The following IAPP variants were observed in gnomAD, a reference collection of about 807,000 sequenced individuals.
The protein encoded by IAPP is Islet amyloid polypeptide (diabetes-associated peptide; amylin).
IAPP carries 4 observed loss-of-function variants against 2.9 expected under a neutral mutation model. The observed-to-expected ratio is 1.39, with a 90% CI of 0.69 to 3.19. The LOEUF is 3.19. Ranked by LOEUF, IAPP falls within the 30% of genes most tolerant of loss-of-function variation. IAPP has a pLI of 0.01. For synonymous variants in IAPP, 40 were observed against 42.1 expected, an observed-to-expected ratio of 0.95 and a Z score of 0.19; for missense variants, 114 against 105.3, an observed-to-expected ratio of 1.08 and a Z score of -0.36.
At chr12:21,359,532 T>C (rs1938646129) in intron 1 of IAPP, among the ~76,000 whole-genome samples, 1 of 152,172 alleles carries the variant, frequency 6.6e-6, no homozygotes, top group African/African-American at 2.4e-5. Flanking sequence ...TGGCAAGCCA[T>C]GTCCATGCAT....
intron 1 of IAPP, among the ~76,000 whole-genome samples, chr12:21,365,343 T>A (rs1292585069): frequency 1.3e-5 from 2 of 152,196 alleles, no homozygotes; most frequent in South Asian, 4.1e-4. Context: ...TGGCTAGCCA[T>A]ATGTAGAAAG....
intron 2 of IAPP, among the ~76,000 whole-genome samples, chr12:21,377,101 T>C (rs1940254341): frequency 6.6e-6 from 1 of 152,178 alleles, no homozygotes; most frequent in South Asian, 2.1e-4. Flanking sequence ...GGTTATGATT[T>C]CTGAGTTTAT....
intron 2 of IAPP, among the ~76,000 whole-genome samples, chr12:21,377,691 A>G (rs1239875999): frequency 3.3e-5 from 5 of 152,080 alleles, no homozygotes; most frequent in Admixed American, 2.0e-4. Flanking sequence ...CTTTCACTCA[A>G]CCTAATGTCC....
chr12:21,366,130 CA>C (rs1939358517), intron 1 of IAPP, among the ~76,000 whole-genome samples: 1 of 152,124 alleles, frequency 6.6e-6, no homozygotes, highest in African/African-American at 2.4e-5. Context: ...TTCACAACAG[CA>C]AAGACTTGGA....
At position 21,378,709 on chromosome 12, in the gene IAPP, C is replaced by A. The variant is rs552412745; in HGVS notation, c.*283C>A. On this transcript the variant is annotated 3_prime_UTR_variant, in exon 3 of 3. Coordinates refer to ENST00000240652, the MANE Select transcript of IAPP (RefSeq NM_000415.3). ...TATCTCAGTGGCACAGGTTTAAGAA[C>A]GAAGGAGAAAAAGGTAGTTTGAACC... 3 of 298,338 alleles carry A rather than the reference C, an allele frequency of 1.0e-5. No individual in the cohort carries two copies. The highest frequency in any genetic ancestry group is 4.3e-5 in the African/African-American group (2 of 46,848). The allele number at this position is 298,338 out of a possible 1,614,324, so 18.5% of individuals were successfully genotyped here.
intron 1 of IAPP, among the ~76,000 whole-genome samples, chr12:21,361,885 T>C (rs533589092): frequency 2.8e-4 from 43 of 152,224 alleles, no homozygotes; most frequent in African/African-American, 9.1e-4. Context: ...CCAAGAAATA[T>C]GGGACTATGT....
rs1939941547 is a variant in IAPP at position 21,373,384 on chromosome 12, TG to T, written c.34del (p.Val12CysfsTer6). ...TCCTGAAGCTGCAAGTATTTCTCATTGTGCTCTCTGTTGCATTGAACCATCT... is the reference window on the plus strand; with the variant it reads ...TCCTGAAGCTGCAAGTATTTCTCATTTGCTCTCTGTTGCATTGAACCATCT... Reference protein sequence around the residue: ...GILKLQVFLIVLSVALNHLKA... With the variant: ...GILKLQVFLIXLSVALNHLKA... On this transcript the variant is annotated frameshift_variant, in exon 2 of 3. Transcript: ENST00000240652. LOFTEE classifies it low-confidence loss of function (END_TRUNC). 5.6e-6 allele frequency: 9 copies of T among 1,613,678 alleles called. No individual in the cohort carries two copies. The highest frequency in any genetic ancestry group is 7.6e-6 in the Non-Finnish European group (9 of 1,179,692).
At chr12:21,361,667 T>G (rs1297727890) in intron 1 of IAPP, among the ~76,000 whole-genome samples, 2 of 151,960 alleles carry the variant, frequency 1.3e-5, no homozygotes, top group Non-Finnish European at 2.9e-5. Context: ...CGAATGGCAG[T>G]GTAGAGAAAA....
At chr12:21,363,741 AACT>A (rs1381247066) in intron 1 of IAPP, among the ~76,000 whole-genome samples, 1 of 152,208 alleles carries the variant, frequency 6.6e-6, no homozygotes, top group Non-Finnish European at 1.5e-5. Context: ...CAGAAATACA[AACT>A]ACTATCAGAG....
At chr12:21,361,304 C>G (rs537220077) in intron 1 of IAPP, among the ~76,000 whole-genome samples, 39 of 152,344 alleles carry the variant, frequency 2.6e-4, no homozygotes, top group Non-Finnish European at 5.3e-4. Flanking sequence ...CAAACTCCAA[C>G]AGACCTGCAG....
intron 1 of IAPP, among the ~76,000 whole-genome samples, chr12:21,366,654 G>GA (rs1263233785): frequency 1.3e-5 from 2 of 151,970 alleles, no homozygotes; most frequent in African/African-American, 4.8e-5. Flanking sequence ...AAAGAAACCA[G>GA]AAAAGAGAAA....
chr12:21,372,673 A>C (rs754082457), upstream of IAPP, among the ~76,000 whole-genome samples: 8 of 152,172 alleles, frequency 5.3e-5, no homozygotes, highest in Non-Finnish European at 1.2e-4. Flanking sequence ...GCAAATTCAA[A>C]CTTCTGCTGT....
In IAPP at chr12:21,365,659, G is replaced by T. The variant is rs1591886392; in HGVS notation, c.-15-7678G>T. Among the ~76,000 whole-genome samples the T allele has an allele frequency of 2.6e-5, 4 of 152,046 alleles. No homozygotes were observed. In the East Asian group the frequency reaches 5.8e-4, roughly 22 times the overall value. Reference sequence around the variant, plus strand: ...TTACAATCTACCCATCTGACAAAGGGCTAATATCCAGAATCTACAAAGAAC... The same window carrying T: ...TTACAATCTACCCATCTGACAAAGGTCTAATATCCAGAATCTACAAAGAAC... On this transcript the variant is annotated intron_variant, in intron 1 of 2. Coordinates refer to the IAPP transcript ENST00000539393.
At chr12:21,368,726 A>G (rs1461309125), upstream of IAPP, among the ~76,000 whole-genome samples, 11 of 152,124 alleles carry the variant, frequency 7.2e-5, no homozygotes, top group Non-Finnish European at 1.5e-4. Flanking sequence ...TTTGTTGATA[A>G]TTGTTCTAAT....
At chr12:21,361,735 C>T (rs1382236427) in intron 1 of IAPP, among the ~76,000 whole-genome samples, 1 of 152,056 alleles carries the variant, frequency 6.6e-6, no homozygotes, top group African/African-American at 2.4e-5. Context: ...GGCACAAGGA[C>T]TACGTGACGC....
chr12:21,373,260 C>T (rs1939931161), intron 1 of IAPP, 77 bp from the exon 2 acceptor site: 1 of 916,372 alleles, frequency 1.1e-6, no homozygotes, highest in South Asian at 1.4e-5. Flanking sequence ...CTTTTAAAAA[C>T]TAAGCTCTAA....
In IAPP at chr12:21,378,400, G is replaced by A; in HGVS notation, c.244G>A (p.Glu82Lys). 1 of 1,614,066 alleles carries A rather than the reference G, an allele frequency of 6.2e-7. No homozygotes were observed. Among genetic ancestry groups the A allele is most frequent in the Non-Finnish European group, 8.5e-7 (1 of 1,179,900 alleles). ...GAATGCAGTAGAGGTTTTAAAGAGA[G>A]AGCCACTGAATTACTTGCCCCTTTA... is the stretch of plus-strand genomic sequence containing the variant. ...KRNAVEVLKR[E>K]PLNYLPL is the part of the protein sequence containing the mutation. The change falls in exon 3 of 3, where the codon GAG becomes AAG. Residue 82 changes from glutamate to lysine, a missense_variant. Physicochemically the swap from Glu to Lys is moderately conservative, Grantham distance 56. Coordinates refer to ENST00000240652, the MANE Select transcript of IAPP (RefSeq NM_000415.3).
intron 1 of IAPP, among the ~76,000 whole-genome samples, chr12:21,359,118 G>A (rs1938610643): frequency 6.6e-6 from 1 of 152,118 alleles, no homozygotes; most frequent in African/African-American, 2.4e-5. Context: ...GCAAGGCCAT[G>A]GGATAAGACT....
upstream of IAPP, among the ~76,000 whole-genome samples, chr12:21,370,445 C>T (rs950325422): frequency 5.3e-5 from 8 of 151,342 alleles, no homozygotes; most frequent in Admixed American, 3.9e-4. Context: ...CGTCATTTAA[C>T]ATTAGGTATA....
Sources: gnomAD v4.1 joint callset for allele counts (sites outside exome capture counted in the v4.1 genomes callset) on GRCh38, gnomAD v4.1.1 for gene constraint, MANE v1.5 for transcripts, NCBI Gene and HGNC (gene_info 2026-07-23, HGNC 2026-07-21) for gene names.